The following SPRED1 variants were observed in gnomAD, a reference collection of about 807,000 sequenced individuals.
SPRED1 encodes sprouty related EVH1 domain containing 1.
In SPRED1, 18 loss-of-function variants were observed where a neutral mutation model predicts 52.3. That is an observed-to-expected ratio of 0.34 (90% CI 0.24 to 0.51). SPRED1 has a LOEUF of 0.51. Among genes scored for constraint, SPRED1 ranks in the 20% least tolerant of loss-of-function variants. SPRED1 has a pLI of 0.97. For missense variants in SPRED1, 485 were observed against 551.0 expected, an observed-to-expected ratio of 0.88 and a Z score of 1.20; for synonymous variants, 155 against 179.7, an observed-to-expected ratio of 0.86 and a Z score of 1.10.
intron 1 of SPRED1, among the ~76,000 whole-genome samples, chr15:38,281,803 A>G (rs1443037387): frequency 6.6e-6 from 1 of 152,122 alleles, no homozygotes; most frequent in Non-Finnish European, 1.5e-5. Flanking sequence ...CTTTAGAGAC[A>G]TGCTGTAAAG....
chr15:38,282,328 C>T (rs1387122215), intron 1 of SPRED1, among the ~76,000 whole-genome samples: 1 of 48,932 alleles, frequency 2.0e-5, no homozygotes, highest in African/African-American at 4.7e-5. Context: ...TACACACACA[C>T]ACACACACAC....
chr15:38,252,987 C>A lies in SPRED1; in HGVS notation c.-199C>A. 1.6e-6 allele frequency: 1 copy of A among 606,314 alleles called. No individual in the cohort carries two copies. The allele number at this position is 606,314 out of a possible 1,614,324, so 37.6% of individuals were successfully genotyped here. A position where few individuals can be genotyped will look rare whatever the true frequency, so the allele number is the denominator to read the frequency against. On this transcript the variant is annotated 5_prime_UTR_variant, in exon 1 of 7. Transcript: ENST00000299084. The stretch of plus-strand genomic sequence containing the variant: ...GGGTCGCCACGGCGGAGGTTGCTGC[C>A]GCCACCCCCCTGCGGGGGTGGCCGG...
At chr15:38,327,314 G>A (rs1037883739) in intron 4 of SPRED1, among the ~76,000 whole-genome samples, 8 of 152,264 alleles carry the variant, frequency 5.3e-5, no homozygotes, top group East Asian at 1.9e-4. Context: ...AAGTATGGTC[G>A]TTTTAAAATA....
intron 2 of SPRED1, among the ~76,000 whole-genome samples, chr15:38,303,092 G>A (rs1484243164): frequency 6.6e-6 from 1 of 152,120 alleles, no homozygotes; most frequent in African/African-American, 2.4e-5. Flanking sequence ...GCTGAGGCAG[G>A]AGAATCGCTT....
At chr15:38,293,212 G>T (rs1834478616) in intron 1 of SPRED1, among the ~76,000 whole-genome samples, 1 of 147,756 alleles carries the variant, frequency 6.8e-6, no homozygotes, top group Admixed American at 7.0e-5. Context: ...TAATTTTCCT[G>T]CCTCAGCCTC....
intron 1 of SPRED1, among the ~76,000 whole-genome samples, chr15:38,295,358 C>T (rs988883171): frequency 6.6e-6 from 1 of 152,128 alleles, no homozygotes; most frequent in Non-Finnish European, 1.5e-5. Context: ...TCCTGGGCCA[C>T]AGGTTGGACA....
intron 2 of SPRED1, among the ~76,000 whole-genome samples, chr15:38,307,448 T>G (rs1895272514): frequency 6.6e-6 from 1 of 152,210 alleles, no homozygotes; most frequent in South Asian, 2.1e-4. Flanking sequence ...TGTCCTCACA[T>G]GGTCTAGAGA....
rs145401705 is a variant in SPRED1, at chr15:38,276,442, G to A, written c.33-22931G>A. ...GAGTAATACTATACACCCGTTAAATGATATTGTTTCATAATTGTAACATTA... is the reference window on the plus strand; with the variant it reads ...GAGTAATACTATACACCCGTTAAATAATATTGTTTCATAATTGTAACATTA... On this transcript the variant is annotated intron_variant, in intron 1 of 6. Coordinates refer to ENST00000299084, the MANE Select transcript of SPRED1 (RefSeq NM_152594.3). Among the ~76,000 whole-genome samples the A allele has an allele frequency of 1.0e-2, 1,515 of 152,056 alleles. 13 individuals carry two copies. The highest frequency in any genetic ancestry group is 0.037 in the Middle Eastern group (11 of 294).
intron 3 of SPRED1, among the ~76,000 whole-genome samples, chr15:38,323,238 T>C (rs1243616235): frequency 2.0e-5 from 3 of 152,286 alleles, no homozygotes; most frequent in Admixed American, 2.0e-4. Context: ...AAATACATTG[T>C]ACAAATCTGT....
At chr15:38,286,129 C>T (rs146512375) in intron 1 of SPRED1, among the ~76,000 whole-genome samples, 108 of 150,826 alleles carry the variant, frequency 7.2e-4, no homozygotes, top group African/African-American at 2.4e-3. Flanking sequence ...CCTATGGTCA[C>T]GCCTACTGAG....
intron 1 of SPRED1, among the ~76,000 whole-genome samples, chr15:38,278,360 A>G (rs948996530): frequency 6.6e-6 from 1 of 152,158 alleles, no homozygotes; most frequent in Admixed American, 6.5e-5. Flanking sequence ...GTGCGAGCCT[A>G]TAGTCTCAGC....
intron 2 of SPRED1, among the ~76,000 whole-genome samples, chr15:38,300,185 T>G (rs1392678789): frequency 6.6e-6 from 1 of 152,166 alleles, no homozygotes; most frequent in African/African-American, 2.4e-5. Flanking sequence ...CAGTTTAACC[T>G]TTGATAATGT....
At chr15:38,289,047 A>G (rs373738955) in intron 1 of SPRED1, among the ~76,000 whole-genome samples, 4 of 152,314 alleles carry the variant, frequency 2.6e-5, no homozygotes. Context: ...AACCTTAGGA[A>G]TCAGGGAGTA....
chr15:38,275,273 G>A (rs1350102379), intron 1 of SPRED1, among the ~76,000 whole-genome samples: 2 of 152,118 alleles, frequency 1.3e-5, no homozygotes, highest in Admixed American at 6.5e-5. Flanking sequence ...TGGGAACCCC[G>A]TGAAGTCTGT....
chr15:38,344,690 ATATCGG>A (rs1896095352), intron 5 of SPRED1, among the ~76,000 whole-genome samples: 1 of 152,174 alleles, frequency 6.6e-6, no homozygotes, highest in African/African-American at 2.4e-5. Flanking sequence ...AATTGGAATA[ATATCGG>A]TATCTACCTC....
At chr15:38,258,845 C>G (rs548918338) in intron 1 of SPRED1, among the ~76,000 whole-genome samples, 1 of 152,286 alleles carries the variant, frequency 6.6e-6, no homozygotes, top group African/African-American at 2.4e-5. Flanking sequence ...TTACCATCTT[C>G]TGTGCAGTAT....
At chr15:38,265,141 A>G (rs1036519533) in intron 1 of SPRED1, among the ~76,000 whole-genome samples, 1 of 152,192 alleles carries the variant, frequency 6.6e-6, no homozygotes, top group Non-Finnish European at 1.5e-5. Context: ...CACAACTAAC[A>G]TAATCCTGGG....
At chr15:38,350,924 A>C (rs1284711163) in intron 6 of SPRED1, 90 bp from the exon 7 acceptor site, 1 of 1,274,274 alleles carries the variant, frequency 7.8e-7, no homozygotes, top group Admixed American at 2.0e-5. Context: ...ATAATATTTC[A>C]ACAAATATCT....
intron 1 of SPRED1, among the ~76,000 whole-genome samples, chr15:38,267,104 A>G (rs1245227161): frequency 6.6e-6 from 1 of 152,202 alleles, no homozygotes; most frequent in Non-Finnish European, 1.5e-5. Context: ...AAAACCCAGC[A>G]CAGCTTTCAA....
Sources: allele counts gnomAD v4.1 joint callset (sites outside exome capture counted in the v4.1 genomes callset), GRCh38; gene constraint gnomAD v4.1.1; transcripts MANE v1.5; gene names NCBI Gene and HGNC (gene_info 2026-07-23, HGNC 2026-07-21).